FOXN3: variants seen among roughly 807,000 people sequenced by gnomAD.
FOXN3 encodes forkhead box N3, also known as forkhead box protein N3.
FOXN3 carries 7 observed loss-of-function variants against 38.4 expected under a neutral mutation model. The observed-to-expected ratio is 0.18, with a 90% CI of 0.10 to 0.34. The LOEUF (loss-of-function observed/expected upper bound fraction) is 0.34, where lower values mean the gene tolerates loss of function less well. FOXN3 is among the 10% of genes least tolerant of loss of function. FOXN3 has a pLI of 1.00. For missense variants in FOXN3, 456 were observed against 613.4 expected (o/e 0.74, Z 2.71); for synonymous variants, 230 against 242.2 (o/e 0.95, Z 0.47).
At chr14:89,438,825 G>A (rs998275254) in intron 1 of FOXN3, among the ~76,000 whole-genome samples, 3 of 151,452 alleles carry the variant, frequency 2.0e-5, no homozygotes, top group African/African-American at 2.4e-5. Context: ...GTGCAATGGC[G>A]CAATCTCGGC....
At chr14:89,323,759 T>C (rs1254985246) in intron 3 of FOXN3, among the ~76,000 whole-genome samples, 3 of 150,146 alleles carry the variant, frequency 2.0e-5, no homozygotes, top group South Asian at 4.2e-4. Context: ...AGAGGACCCA[T>C]GGCAGTGACA....
At chr14:89,365,300 T>G (rs367801278) in intron 2 of FOXN3, among the ~76,000 whole-genome samples, 9 of 152,150 alleles carry the variant, frequency 5.9e-5, no homozygotes, top group African/African-American at 2.2e-4. Flanking sequence ...AGTTATTTTT[T>G]TGTACTCTCT....
chr14:89,280,699 G>A (rs1173739128), intron 4 of FOXN3, among the ~76,000 whole-genome samples: 1 of 152,018 alleles, frequency 6.6e-6, no homozygotes, highest in Non-Finnish European at 1.5e-5. Flanking sequence ...TATGAACAGT[G>A]ACGGCGGGCC....
chr14:89,203,807 C>G (rs7147594), intron 4 of FOXN3, among the ~76,000 whole-genome samples: 5,679 of 152,080 alleles, frequency 0.037, 362 homozygotes, highest in African/African-American at 0.13. Context: ...GCCAGTCTGA[C>G]GGTCCTCATC....
intron 1 of FOXN3, among the ~76,000 whole-genome samples, chr14:89,475,888 A>C (rs574126124): frequency 4.5e-4 from 69 of 152,292 alleles, no homozygotes; most frequent in African/African-American, 1.5e-3. Flanking sequence ...AGAGTGTGTC[A>C]ATACACAAGA....
chr14:89,524,103 G>A (rs1434230160), intron 1 of FOXN3, among the ~76,000 whole-genome samples: 8 of 147,646 alleles, frequency 5.4e-5, no homozygotes, highest in Non-Finnish European at 1.0e-4. Flanking sequence ...AGCTGGGCAC[G>A]GTGGCTCACG....
At position 89,548,840 on chromosome 14, in the gene FOXN3, C is replaced by CG. The variant is rs1466287602; in HGVS notation, c.-15+70187dup. Reference sequence around the variant, plus strand: ...AGGTATTCAGTTTTTTATAATGTGCCGGGCGCGGTGGCTCACGCCTGTAAT... The same window carrying CG: ...AGGTATTCAGTTTTTTATAATGTGCCGGGGCGCGGTGGCTCACGCCTGTAAT... On this transcript the variant is annotated intron_variant, in intron 1 of 6. Coordinates refer to the FOXN3 transcript ENST00000345097. This position sits in a 1 kb window ranked among gnomAD's most constrained non-coding sequence, Gnocchi z 4.8. 6.6e-6 allele frequency among the ~76,000 whole-genome samples: 1 copy of CG among 151,996 alleles called. No individual in the cohort carries two copies. The highest frequency in any genetic ancestry group is 1.9e-4 in the East Asian group (1 of 5,182).
chr14:89,448,107 T>C (rs1400959326), intron 1 of FOXN3, among the ~76,000 whole-genome samples: 1 of 152,076 alleles, frequency 6.6e-6, no homozygotes, highest in Non-Finnish European at 1.5e-5. Flanking sequence ...CCACTGTGCC[T>C]GCCGATGCCT....
At chr14:89,275,522 G>A (rs949339351) in intron 4 of FOXN3, among the ~76,000 whole-genome samples, 1 of 152,178 alleles carries the variant, frequency 6.6e-6, no homozygotes, top group African/African-American at 2.4e-5. Flanking sequence ...CCAGAACCCA[G>A]GTCCCTTGAC....
rs1156897768 is a variant in FOXN3 at position 89,614,104 on chromosome 14, A to T, written c.-15+4924T>A. ...ATATATTTGATGATATGCAAATATC[A>T]TCTGTGTGTTATCATTTTACTCAAC... On this transcript the variant is annotated intron_variant, in intron 1 of 6. Transcript: ENST00000345097. Among the ~76,000 whole-genome samples, 3 of 152,246 alleles carry T rather than the reference A, an allele frequency of 2.0e-5. No homozygotes were observed. In the South Asian group the frequency reaches 6.2e-4, roughly 31 times the overall value.
intron 3 of FOXN3, among the ~76,000 whole-genome samples, chr14:89,311,213 G>A (rs905431451): frequency 8.6e-5 from 13 of 151,250 alleles, no homozygotes; most frequent in Middle Eastern, 3.4e-3. Context: ...GTATCGGGCC[G>A]GTGCGGTGGC....
intron 3 of FOXN3, among the ~76,000 whole-genome samples, chr14:89,304,800 G>T (rs1371634615): frequency 6.6e-6 from 1 of 152,090 alleles, no homozygotes. Flanking sequence ...AGAGCTGGGA[G>T]TTAAGTGAGA....
At chr14:89,523,737 G>T (rs560517855) in intron 1 of FOXN3, among the ~76,000 whole-genome samples, 108 of 151,166 alleles carry the variant, frequency 7.1e-4, no homozygotes, top group Non-Finnish European at 1.3e-3. Flanking sequence ...GAAAAGAAAG[G>T]TCTTAAATAA....
chr14:89,444,421 TA>T (rs568830047), intron 1 of FOXN3, among the ~76,000 whole-genome samples: 137 of 142,668 alleles, frequency 9.6e-4, no homozygotes, highest in Admixed American at 1.1e-3. Flanking sequence ...ATATTTCACA[TA>T]AAAAAAAAAA....
At chr14:89,353,137 G>A (rs993126273) in intron 2 of FOXN3, among the ~76,000 whole-genome samples, 2 of 152,144 alleles carry the variant, frequency 1.3e-5, no homozygotes, top group Non-Finnish European at 2.9e-5. Context: ...CCACACAGAC[G>A]TTTCCTGAGT....
chr14:89,509,651 T>G (rs1435371789), intron 1 of FOXN3, among the ~76,000 whole-genome samples: 1 of 152,192 alleles, frequency 6.6e-6, no homozygotes, highest in African/African-American at 2.4e-5. Flanking sequence ...ATCTCCCCAC[T>G]AGGATGCCAG....
intron 1 of FOXN3, among the ~76,000 whole-genome samples, chr14:89,602,266 G>T (rs1267546172): frequency 2.0e-5 from 3 of 151,158 alleles, no homozygotes; most frequent in African/African-American, 7.3e-5. Flanking sequence ...TCCAGCCTGG[G>T]TGACAGAGCA....
rs1887088703 is a variant in FOXN3, at chr14:89,161,147, T to G, written c.*1267A>C. On this transcript the variant is annotated 3_prime_UTR_variant, in exon 6 of 6. Transcript: ENST00000557258. ...GATTTTTTTCTCTTTTTCTTTTTTTTCTTCAAAGGAATCCATGCATTGTGG... is the reference window on the plus strand; with the variant it reads ...GATTTTTTTCTCTTTTTCTTTTTTTGCTTCAAAGGAATCCATGCATTGTGG... 6.6e-6 allele frequency: 1 copy of G among 152,562 alleles called. No individual in the cohort carries two copies. Among genetic ancestry groups the G allele is most frequent in the Non-Finnish European group, 1.5e-5 (1 of 68,020 alleles). 9.5% of individuals were successfully genotyped at this position (152,562 alleles called of 1,614,324 possible).
intron 1 of FOXN3, among the ~76,000 whole-genome samples, chr14:89,593,436 C>T (rs1425405159): frequency 3.3e-5 from 5 of 152,028 alleles, no homozygotes; most frequent in East Asian, 1.9e-4. Flanking sequence ...GTCAGGAGTT[C>T]GAGACCAGCC....
Sources: allele counts gnomAD v4.1 joint callset (sites outside exome capture counted in the v4.1 genomes callset), GRCh38; gene constraint gnomAD v4.1.1; non-coding constraint Gnocchi (gnomAD v3.1); transcripts MANE v1.5; gene names NCBI Gene and HGNC (gene_info 2026-07-23, HGNC 2026-07-21).